Variants in SPMAP2L observed in about 807,000 individuals in gnomAD.
SPMAP2L encodes sperm microtubule associated protein 2 like, also known as sperm microtubule associated protein 2-like.
At chr4:56,563,254 G>C in the SPMAP2L span, among the ~76,000 whole-genome samples, 1 of 149,688 alleles carries the variant, frequency 6.7e-6, no homozygotes, top group African/African-American at 2.5e-5. Flanking sequence ...CACCATACCC[G>C]GCTAATTTTT....
At chr4:56,578,253 A>G in the SPMAP2L span, among the ~76,000 whole-genome samples, 96 of 152,322 alleles carry the variant, frequency 6.3e-4, 2 homozygotes, top group African/African-American at 2.3e-3. Flanking sequence ...ATATAGGAGC[A>G]AAGTTATTAT....
At chr4:56,606,688 A>C in the SPMAP2L span, among the ~76,000 whole-genome samples, 1 of 152,268 alleles carries the variant, frequency 6.6e-6, no homozygotes, top group African/African-American at 2.4e-5. Context: ...TGTGTGAAGC[A>C]AGAGGAGGCT....
chr4:56,602,104 A>G, the SPMAP2L span, among the ~76,000 whole-genome samples: 1 of 152,282 alleles, frequency 6.6e-6, no homozygotes, highest in South Asian at 2.1e-4. Context: ...AATAGATAAG[A>G]ATATATAATT....
chr4:56,602,899 T>C, the SPMAP2L span, among the ~76,000 whole-genome samples: 2 of 152,130 alleles, frequency 1.3e-5, no homozygotes, highest in African/African-American at 2.4e-5. Context: ...AAATGATACA[T>C]AGGGGATACA....
the SPMAP2L span, among the ~76,000 whole-genome samples, chr4:56,564,337 A>G: frequency 6.6e-6 from 1 of 151,998 alleles, no homozygotes; most frequent in East Asian, 1.9e-4. Flanking sequence ...ACGGAGTTTC[A>G]CCGTGTTGGT....
the SPMAP2L span, among the ~76,000 whole-genome samples, chr4:56,574,963 G>T: frequency 6.6e-6 from 1 of 151,306 alleles, no homozygotes; most frequent in African/African-American, 2.4e-5. Flanking sequence ...GAAAAAAAAA[G>T]ATGTCTGCTG....
the SPMAP2L span, among the ~76,000 whole-genome samples, chr4:56,625,564 C>A: frequency 1.3e-5 from 2 of 152,120 alleles, no homozygotes; most frequent in Non-Finnish European, 2.9e-5. Context: ...GGGGGCCAGT[C>A]TTTCCCGTGC....
the SPMAP2L span, among the ~76,000 whole-genome samples, chr4:56,608,119 A>T: frequency 6.6e-6 from 1 of 152,142 alleles, no homozygotes; most frequent in African/African-American, 2.4e-5. Context: ...AATAAGTGAC[A>T]AAAAGAAAAA....
At chr4:56,565,729 C>A in the SPMAP2L span, among the ~76,000 whole-genome samples, 1 of 152,110 alleles carries the variant, frequency 6.6e-6, no homozygotes. Flanking sequence ...AGACTTGGGA[C>A]TACTTCCAAA....
chr4:56,584,329 A>T, the SPMAP2L span, among the ~76,000 whole-genome samples: 54 of 152,274 alleles, frequency 3.5e-4, no homozygotes, highest in East Asian at 4.6e-3. Context: ...ATAGCAAAAA[A>T]ATTTTAAGAA....
At chr4:56,618,465 G>T in the SPMAP2L span, among the ~76,000 whole-genome samples, 9 of 152,310 alleles carry the variant, frequency 5.9e-5, no homozygotes, top group East Asian at 1.7e-3. Context: ...CAGTTCTTCA[G>T]GGCTGGGGAG....
chr4:56,552,210 G>A, the SPMAP2L span, among the ~76,000 whole-genome samples: 1 of 152,308 alleles, frequency 6.6e-6, no homozygotes, highest in East Asian at 1.9e-4. Flanking sequence ...TCAGAATCCA[G>A]TGCCACCAAG....
chr4:56,533,713 C>T, the SPMAP2L span, among the ~76,000 whole-genome samples: 1 of 150,496 alleles, frequency 6.6e-6, no homozygotes, highest in Non-Finnish European at 1.5e-5. Flanking sequence ...TTTGAGAGGC[C>T]GAGGTGGAAG....
At chr4:56,618,975 T>G in the SPMAP2L span, among the ~76,000 whole-genome samples, 1 of 152,214 alleles carries the variant, frequency 6.6e-6, no homozygotes, top group African/African-American at 2.4e-5. Context: ...TTTGTTTATA[T>G]GTTCTGGACC....
the SPMAP2L span, among the ~76,000 whole-genome samples, chr4:56,566,514 T>G: frequency 6.6e-6 from 1 of 151,678 alleles, no homozygotes; most frequent in Non-Finnish European, 1.5e-5. Flanking sequence ...TTCTTTTAAA[T>G]TAATTGATTT....
chr4:56,587,418 C>G, the SPMAP2L span, among the ~76,000 whole-genome samples: 40 of 151,936 alleles, frequency 2.6e-4, no homozygotes, highest in Non-Finnish European at 8.8e-5. Flanking sequence ...CACCCATCAC[C>G]CAAGCAGTCT....
At chr4:56,621,687 G>A in the SPMAP2L span, among the ~76,000 whole-genome samples, 1 of 152,230 alleles carries the variant, frequency 6.6e-6, no homozygotes, top group Non-Finnish European at 1.5e-5. Flanking sequence ...CTTGCCTACT[G>A]ATAAAGATAG....
chr4:56,576,314 T>A, the SPMAP2L span, among the ~76,000 whole-genome samples: 12 of 152,046 alleles, frequency 7.9e-5, no homozygotes, highest in Non-Finnish European at 1.8e-4. Flanking sequence ...CATGTTTAGT[T>A]TAAAAAGAGA....
At chr4:56,608,292 A>G in the SPMAP2L span, among the ~76,000 whole-genome samples, 4 of 152,330 alleles carry the variant, frequency 2.6e-5, no homozygotes, top group South Asian at 8.3e-4. Context: ...GGCAGAACTT[A>G]AAGATTTGGA....
Sources: allele counts gnomAD v4.1 joint callset (sites outside exome capture counted in the v4.1 genomes callset), GRCh38; gene constraint gnomAD v4.1.1; transcripts MANE v1.5; gene names NCBI Gene and HGNC (gene_info 2026-07-23, HGNC 2026-07-21).